Variants in ATF3 observed in about 807,000 individuals in gnomAD.
The protein encoded by ATF3 is activating transcription factor 3.
In ATF3, 10 loss-of-function variants were observed where a neutral mutation model predicts 18.4. The ratio of observed to expected loss-of-function variants is 0.54; its 90% CI spans 0.34 to 0.92. The LOEUF (loss-of-function observed/expected upper bound fraction) is 0.92, where lower values mean the gene tolerates loss of function less well. Ranked by LOEUF, ATF3 falls within the 40% of genes least tolerant of loss-of-function variation. The pLI is 0.02. For synonymous variants in ATF3, 78 were observed against 87.9 expected, an observed-to-expected ratio of 0.89 and a Z score of 0.63; for missense variants, 183 against 222.3, an observed-to-expected ratio of 0.82 and a Z score of 1.12.
chr1:212,599,816 A>C (rs910873071), intron 1 of ATF3, among the ~76,000 whole-genome samples: 1 of 152,130 alleles, frequency 6.6e-6, no homozygotes, highest in African/African-American at 2.4e-5. Context: ...GCCAAAATCC[A>C]AAGATGTCTG....
At chr1:212,572,009 G>A (rs979732708) in intron 1 of ATF3, among the ~76,000 whole-genome samples, 18 of 151,922 alleles carry the variant, frequency 1.2e-4, no homozygotes, top group Non-Finnish European at 2.6e-4. Context: ...ACCGCGCCCG[G>A]CCGCCAATAC....
At position 212,615,078 on chromosome 1, in the gene ATF3, C is replaced by A. The variant is rs1013299995; in HGVS notation, c.57C>A (p.Ile19=). The change falls in exon 2 of 4, where the codon ATC becomes ATA. Residue 19 remains isoleucine, a synonymous_variant. Transcript: ENST00000341491. ...VSASEVSASA[I]VPCLSPPGSL... is the part of the protein sequence containing the mutation. ...CCTCGGAAGTGAGTGCTTCTGCCAT[C>A]GTCCCCTGCCTGTCCCCTCCTGGGT... 6.2e-7 allele frequency: 1 copy of A among 1,614,076 alleles called. No individual in the cohort carries two copies. Among genetic ancestry groups the A allele is most frequent in the African/African-American group, 1.3e-5 (1 of 74,906 alleles).
chr1:212,612,683 C>CAAAA (rs1654944192), intron 1 of ATF3, among the ~76,000 whole-genome samples: 1 of 152,230 alleles, frequency 6.6e-6, no homozygotes, highest in Admixed American at 6.5e-5. Context: ...AAAAGAATTA[C>CAAAA]ATACATAGCC....
At chr1:212,611,185 A>C (rs1441025978) in intron 1 of ATF3, among the ~76,000 whole-genome samples, 1 of 152,228 alleles carries the variant, frequency 6.6e-6, no homozygotes, top group African/African-American at 2.4e-5. Flanking sequence ...GTAATGCAGA[A>C]ATGCTGGCAT....
chr1:212,615,256 G>C lies in ATF3; in HGVS notation c.235G>C (p.Ala79Pro). Residue 79 changes from alanine to proline, a missense_variant, in exon 2 of 4, where the codon GCC becomes CCC. Coordinates refer to ENST00000341491, the MANE Select transcript of ATF3 (RefSeq NM_001674.4). ...DRPLGVSITK[A>P]EVAPEEDERK... Reference sequence around the variant, plus strand: ...ACCCCTCGGGGTGTCCATCACAAAAGCCGAGGTGGGTTCTATCACAGGTAT... The same window carrying C: ...ACCCCTCGGGGTGTCCATCACAAAACCCGAGGTGGGTTCTATCACAGGTAT... The C allele has an allele frequency of 8.1e-6, 13 of 1,613,864 alleles. No homozygotes were observed. Among genetic ancestry groups the C allele is most frequent in the Non-Finnish European group, 1.1e-5 (13 of 1,179,772 alleles).
intron 1 of ATF3, among the ~76,000 whole-genome samples, chr1:212,593,128 A>G (rs1160999896): frequency 6.6e-6 from 1 of 152,238 alleles, no homozygotes; most frequent in East Asian, 1.9e-4. Context: ...TGAAGAGTTC[A>G]TGTCCTTTGT....
In ATF3 at chr1:212,601,365, G is replaced by A. The variant is rs185470035; in HGVS notation, c.-4-13653G>A. Reference sequence around the variant, plus strand: ...TCAGGAGTAAGAATTTTCTGGTAAGGTCAACTCTAGAAGCATCTGTGCATT... The same window carrying A: ...TCAGGAGTAAGAATTTTCTGGTAAGATCAACTCTAGAAGCATCTGTGCATT... On this transcript the variant is annotated intron_variant, in intron 1 of 3. Coordinates refer to the ATF3 transcript ENST00000366981. 8.9e-4 allele frequency among the ~76,000 whole-genome samples: 136 copies of A among 152,322 alleles called. 1 individual carries two copies. Among genetic ancestry groups the A allele is most frequent in the African/African-American group, 2.9e-3 (121 of 41,566 alleles).
chr1:212,610,168 T>C (rs1167981906), intron 1 of ATF3, among the ~76,000 whole-genome samples: 1 of 152,236 alleles, frequency 6.6e-6, no homozygotes, highest in African/African-American at 2.4e-5. Flanking sequence ...ATTTCTCATC[T>C]ACTTCCTTTC....
intron 1 of ATF3, among the ~76,000 whole-genome samples, chr1:212,571,493 C>T (rs941404780): frequency 1.3e-4 from 19 of 151,776 alleles, no homozygotes; most frequent in African/African-American, 4.4e-4. Context: ...CTGCAACCTC[C>T]GCCTCCCAGG....
chr1:212,619,184 G>C lies in ATF3; in HGVS notation c.349-174G>C. The C allele has an allele frequency of 3.7e-6, 6 of 1,612,612 alleles. No homozygotes were observed. Among genetic ancestry groups the C allele is most frequent in the Non-Finnish European group, 5.1e-6 (6 of 1,179,834 alleles). ...ATCACCAGGGTTTCTCTGAAGAAGA[G>C]GGTCTGCATTTTCCTAAACCCAGTG... On this transcript the variant is annotated intron_variant, in intron 3 of 3. Transcript: ENST00000341491. The surrounding 1 kb of genome is among the most constrained non-coding windows in gnomAD (Gnocchi z 4.4).
intron 1 of ATF3, among the ~76,000 whole-genome samples, chr1:212,569,358 T>C (rs1162846136): frequency 1.3e-5 from 2 of 152,228 alleles, no homozygotes; most frequent in Non-Finnish European, 2.9e-5. Flanking sequence ...TTTTTAATAG[T>C]GGCAATACTT....
chr1:212,567,169 T>C (rs1479034394), intron 1 of ATF3, among the ~76,000 whole-genome samples: 3 of 152,144 alleles, frequency 2.0e-5, no homozygotes, highest in Non-Finnish European at 4.4e-5. Context: ...TTTTCTTTTT[T>C]TTTTTGAAGC....
chr1:212,616,720 G>T (rs537006442), intron 2 of ATF3, among the ~76,000 whole-genome samples: 47 of 152,318 alleles, frequency 3.1e-4, no homozygotes, highest in African/African-American at 1.1e-3. Context: ...CAGGGGGCCT[G>T]CAGCAGGAGG....
chr1:212,607,928 C>G (rs886942331), upstream of ATF3, among the ~76,000 whole-genome samples: 1 of 152,172 alleles, frequency 6.6e-6, no homozygotes, highest in Non-Finnish European at 1.5e-5. Context: ...AAAATCGAAC[C>G]GATACGGTCC....
At chr1:212,607,175 C>T (rs1370898267), upstream of ATF3, among the ~76,000 whole-genome samples, 1 of 152,164 alleles carries the variant, frequency 6.6e-6, no homozygotes, top group African/African-American at 2.4e-5. Context: ...CGAGGAACCC[C>T]GGTGGGGGGA....
chr1:212,590,697 C>T (rs1375698933), intron 1 of ATF3, among the ~76,000 whole-genome samples: 2 of 152,180 alleles, frequency 1.3e-5, no homozygotes, highest in Non-Finnish European at 2.9e-5. Context: ...ACTCATTTTG[C>T]AACGGCCATC....
chr1:212,573,263 T>C (rs1436157477), intron 1 of ATF3, among the ~76,000 whole-genome samples: 2 of 152,106 alleles, frequency 1.3e-5, no homozygotes, highest in African/African-American at 2.4e-5. Context: ...AATAAACACT[T>C]TTTGTTATGT....
chr1:212,580,162 AAAAG>A (rs1237708909), intron 1 of ATF3, among the ~76,000 whole-genome samples: 1 of 151,942 alleles, frequency 6.6e-6, no homozygotes, highest in Non-Finnish European at 1.5e-5. Flanking sequence ...GTCTCAAAAA[AAAAG>A]AAAGAAAGAA....
chr1:212,597,749 A>G (rs1469857295), intron 1 of ATF3, among the ~76,000 whole-genome samples: 2 of 152,162 alleles, frequency 1.3e-5, no homozygotes, highest in Non-Finnish European at 2.9e-5. Flanking sequence ...CACTTACCAC[A>G]GTGTTCTCAG....
Sources: gnomAD v4.1 joint callset for allele counts (sites outside exome capture counted in the v4.1 genomes callset) on GRCh38, gnomAD v4.1.1 for gene constraint, Gnocchi (gnomAD v3.1) non-coding constraint, MANE v1.5 for transcripts, NCBI Gene and HGNC (gene_info 2026-07-23, HGNC 2026-07-21) for gene names.